Variants in ZNF254 observed in about 807,000 individuals in gnomAD.
The protein encoded by ZNF254 is zinc finger protein 254.
A neutral mutation model predicts 12.4 loss-of-function variants in ZNF254; 10 were observed. The observed-to-expected ratio is 0.80, with a 90% confidence interval of 0.50 to 1.36. ZNF254 has a LOEUF of 1.36. Ranked by LOEUF, ZNF254 falls within the 40% of genes most tolerant of loss-of-function variation. The pLI is 0.00. For synonymous variants in ZNF254, 305 were observed against 253.4 expected (o/e 1.20, Z -1.93); for missense variants, 996 against 763.9 (o/e 1.30, Z -3.58).
intron 3 of ZNF254, among the ~76,000 whole-genome samples, chr19:24,118,876 C>T (rs1974287974): frequency 6.6e-6 from 1 of 152,092 alleles, no homozygotes; most frequent in East Asian, 1.9e-4. Flanking sequence ...CTTTGGGGGG[C>T]TGAGTGGGGT....
At chr19:24,066,955 C>T (rs1056033139) in intron 2 of ZNF254, 2 of 152,072 alleles carry the variant, frequency 1.3e-5, no homozygotes, top group African/African-American at 2.4e-5. Context: ...ACCAATCCTA[C>T]AGGTGATGTG....
At chr19:24,122,752 T>C (rs951267473) in intron 3 of ZNF254, among the ~76,000 whole-genome samples, 3 of 152,020 alleles carry the variant, frequency 2.0e-5, no homozygotes, top group African/African-American at 7.3e-5. Flanking sequence ...TACTGAATGA[T>C]TTGGTGAAAG....
rs199638947 is a variant in ZNF254 at position 24,106,616 on chromosome 19, C to T, written c.226C>T (p.Arg76Ter). The change falls in exon 3 of 4, where the codon CGA (arginine) becomes TGA (stop). Residue 76 changes from arginine (R) to a stop codon, truncating the protein, a stop_gained. Transcript: ENST00000357002. LOFTEE classifies it low-confidence loss of function (END_TRUNC). The stretch of plus-strand genomic sequence containing the variant: ...AGGGAAAGAGCCCTGGAATATGAAG[C>T]GACATGAGATGGTGGATGAACCCCC... ...EQGKEPWNMK[R>*]HEMVDEPPGM... is the part of the protein sequence containing the mutation. 1.4e-4 allele frequency: 222 copies of T among 1,582,990 alleles called. 1 individual carries two copies. Among genetic ancestry groups the T allele is most frequent in the East Asian group, 1.9e-4 (8 of 43,206 alleles).
chr19:24,084,026 A>G (rs866125935), upstream of ZNF254, among the ~76,000 whole-genome samples: 7 of 151,978 alleles, frequency 4.6e-5, no homozygotes, highest in African/African-American at 1.7e-4. Context: ...TGAGTAAGAT[A>G]CTTGCACATG....
chr19:24,058,566 C>T (rs903540055), intron 2 of ZNF254, among the ~76,000 whole-genome samples: 1 of 152,066 alleles, frequency 6.6e-6, no homozygotes, highest in South Asian at 2.1e-4. Flanking sequence ...CGCCACCACG[C>T]CTGGCTAATT....
intron 1 of ZNF254, among the ~76,000 whole-genome samples, chr19:24,097,584 C>G (rs1198915724): frequency 1.3e-5 from 2 of 151,826 alleles, no homozygotes; most frequent in Non-Finnish European, 2.9e-5. Flanking sequence ...GAGTTCGAGA[C>G]CATCCTGACC....
chr19:24,041,674 G>A (rs1186689009), intron 1 of ZNF254, among the ~76,000 whole-genome samples: 4 of 152,350 alleles, frequency 2.6e-5, no homozygotes, highest in East Asian at 1.9e-4. Flanking sequence ...CAGTCCCATC[G>A]ACCACCCAAG....
At chr19:24,045,083 G>T (rs1173445610) in intron 1 of ZNF254, among the ~76,000 whole-genome samples, 1 of 152,034 alleles carries the variant, frequency 6.6e-6, no homozygotes, top group Non-Finnish European at 1.5e-5. Flanking sequence ...TTCTTTACTT[G>T]CAGCCCCTTT....
At chr19:24,065,868 T>G (rs1292569369) in intron 2 of ZNF254, 1 of 152,190 alleles carries the variant, frequency 6.6e-6, no homozygotes, top group Non-Finnish European at 1.5e-5. Flanking sequence ...GGATGTAACT[T>G]TTTTTCTGGG....
chr19:24,053,718 G>A (rs779399912), intron 2 of ZNF254, among the ~76,000 whole-genome samples: 2 of 152,050 alleles, frequency 1.3e-5, no homozygotes, highest in East Asian at 1.9e-4. Context: ...CTAACACCTC[G>A]ATGATGTGAA....
intron 2 of ZNF254, among the ~76,000 whole-genome samples, chr19:24,068,956 G>A (rs529658194): frequency 9.4e-4 from 143 of 152,212 alleles, no homozygotes; most frequent in African/African-American, 3.3e-3. Context: ...AAGCCCTCGG[G>A]TGGCACAGAG....
chr19:24,095,676 G>A (rs1463657400), intron 1 of ZNF254, among the ~76,000 whole-genome samples: 2 of 152,146 alleles, frequency 1.3e-5, no homozygotes, highest in Non-Finnish European at 1.5e-5. Context: ...TGTGCACAGA[G>A]GTGTTCATAG....
At chr19:24,063,061 A>G (rs539350318) in intron 2 of ZNF254, among the ~76,000 whole-genome samples, 9 of 152,260 alleles carry the variant, frequency 5.9e-5, no homozygotes, top group Admixed American at 2.6e-4. Flanking sequence ...TCAGCCTCCC[A>G]AAGTGCTGGG....
chr19:24,102,674 T>C (rs542221988), intron 1 of ZNF254, among the ~76,000 whole-genome samples: 4 of 152,240 alleles, frequency 2.6e-5, no homozygotes, highest in African/African-American at 9.6e-5. Context: ...AAAAATAACA[T>C]GTATTATAGG....
intron 2 of ZNF254, among the ~76,000 whole-genome samples, chr19:24,053,030 A>G (rs934810348): frequency 6.6e-5 from 10 of 152,216 alleles, no homozygotes; most frequent in East Asian, 3.8e-4. Context: ...CGACACTCAT[A>G]TGCATAGCCT....
upstream of ZNF254, among the ~76,000 whole-genome samples, chr19:24,085,427 A>ATATATATATATATATATATATATCTGT (rs1369362234): frequency 2.4e-5 from 1 of 42,450 alleles, no homozygotes; most frequent in Admixed American, 3.2e-4. Flanking sequence ...TATATATATA[A>ATATATATATATATATATATATATCTGT]AAACTAAGAT....
In ZNF254 at chr19:24,126,870, A is replaced by C; in HGVS notation, c.870A>C (p.Gly290=). 6.2e-7 allele frequency: 1 copy of C among 1,613,590 alleles called. No homozygotes were observed. The highest frequency in any genetic ancestry group is 8.5e-7 in the Non-Finnish European group (1 of 1,179,806). The change falls in exon 4 of 4, where the codon GGA becomes GGC. Residue 290 remains glycine (G), a synonymous_variant. Transcript: ENST00000357002. ...NLTTHKIIHT[G]EKPYKCEECG... ...CTACACATAAGATAATTCATACTGGAGAGAAACCTTACAAGTGTGAAGAAT... is the reference window on the plus strand; with the variant it reads ...CTACACATAAGATAATTCATACTGGCGAGAAACCTTACAAGTGTGAAGAAT...
At chr19:24,115,536 A>T (rs1417719755) in intron 3 of ZNF254, among the ~76,000 whole-genome samples, 1 of 125,720 alleles carries the variant, frequency 8.0e-6, no homozygotes, top group Non-Finnish European at 1.6e-5. Flanking sequence ...GGATGGGGGG[A>T]TGGGGGAGGG....
chr19:24,081,178 G>A (rs960087431), intron 2 of ZNF254, among the ~76,000 whole-genome samples: 16 of 152,078 alleles, frequency 1.1e-4, no homozygotes, highest in Admixed American at 9.2e-4. Context: ...TGGTCACGGG[G>A]ATAGATTGAC....
Sources: gnomAD v4.1 joint callset for allele counts (sites outside exome capture counted in the v4.1 genomes callset) on GRCh38, gnomAD v4.1.1 for gene constraint, MANE v1.5 for transcripts, NCBI Gene and HGNC (gene_info 2026-07-23, HGNC 2026-07-21) for gene names.